Variants in VPS45 observed in about 807,000 individuals in gnomAD.
VPS45 encodes vacuolar protein sorting-associated protein 45.
A neutral mutation model predicts 75.9 loss-of-function variants in VPS45; 35 were observed. The ratio of observed to expected loss-of-function variants is 0.46; its 90% confidence interval spans 0.35 to 0.61. The LOEUF is 0.61. Among genes scored for constraint, VPS45 ranks in the 20% least tolerant of loss-of-function variants. The pLI, the probability that VPS45 is intolerant of heterozygous loss-of-function variation, is 0.00. For missense variants in VPS45, 559 were observed against 685.9 expected, an observed-to-expected ratio of 0.81 and a Z score of 2.07; for synonymous variants, 220 against 238.2, an observed-to-expected ratio of 0.92 and a Z score of 0.70.
chr1:150,106,117 T>G (rs1657311417), intron 13 of VPS45, among the ~76,000 whole-genome samples: 1 of 152,156 alleles, frequency 6.6e-6, no homozygotes, highest in Middle Eastern at 3.2e-3. Context: ...CAAGATGGAT[T>G]AAAGGCCTAG....
At chr1:150,098,030 A>G (rs587617309) in intron 13 of VPS45, among the ~76,000 whole-genome samples, 1 of 152,122 alleles carries the variant, frequency 6.6e-6, no homozygotes, top group African/African-American at 2.4e-5. Context: ...TTGCATTTTT[A>G]TAGAGACAAG....
chr1:150,102,478 G>C (rs1657093266), intron 13 of VPS45, among the ~76,000 whole-genome samples: 1 of 151,558 alleles, frequency 6.6e-6, no homozygotes, highest in South Asian at 2.1e-4. Context: ...GAACCTGGGA[G>C]GCAGAGGTTG....
At position 150,110,740 on chromosome 1, in the gene VPS45, A is replaced by C. The variant is rs114735255; in HGVS notation, c.1625+113A>C. On this transcript the variant is annotated intron_variant, in intron 14 of 14. Transcript: ENST00000644510. ...TACTCACCAAACTGCTGTAGACTGA[A>C]ATTCTCTGGTGTTTGCAGCTCCAGA... The C allele has an allele frequency of 1.8e-3, 1,963 of 1,070,792 alleles. 23 individuals are homozygous for C. The African/African-American group carries it at 0.027, about 15-fold the overall frequency. The allele number at this position is 1,070,792 out of a possible 1,614,324, so 66.3% of individuals were successfully genotyped here. A position where few individuals can be genotyped will look rare whatever the true frequency, so the allele number is the denominator to read the frequency against.
intron 13 of VPS45, among the ~76,000 whole-genome samples, chr1:150,095,738 G>A (rs1242973750): frequency 6.6e-6 from 1 of 152,142 alleles, no homozygotes; most frequent in African/African-American, 2.4e-5. Flanking sequence ...AGGGAGCCCT[G>A]CTTGGCTGGA....
chr1:150,097,633 C>T (rs587746576), intron 13 of VPS45, among the ~76,000 whole-genome samples: 4 of 151,618 alleles, frequency 2.6e-5, no homozygotes, highest in African/African-American at 9.7e-5. Flanking sequence ...TCAGGAGAAT[C>T]GCTTGAACCA....
intron 3 of VPS45, among the ~76,000 whole-genome samples, chr1:150,073,223 C>G (rs1655177418): frequency 6.6e-6 from 1 of 151,878 alleles, no homozygotes; most frequent in South Asian, 2.1e-4. Flanking sequence ...GTAACATTTC[C>G]AAAACCAAGG....
chr1:150,138,464 T>G (rs1243937560), intron 14 of VPS45, among the ~76,000 whole-genome samples: 1 of 152,172 alleles, frequency 6.6e-6, no homozygotes, highest in Non-Finnish European at 1.5e-5. Flanking sequence ...TTAAGTTGTA[T>G]GTCTCGACTA....
At chr1:150,128,678 G>A (rs1165507302) in intron 14 of VPS45, among the ~76,000 whole-genome samples, 1 of 152,052 alleles carries the variant, frequency 6.6e-6, no homozygotes, top group Non-Finnish European at 1.5e-5. Flanking sequence ...AACCCAGAGG[G>A]GACTTCTCTT....
intron 3 of VPS45, among the ~76,000 whole-genome samples, chr1:150,075,535 T>G (rs1335530604): frequency 6.6e-6 from 1 of 152,178 alleles, no homozygotes; most frequent in African/African-American, 2.4e-5. Context: ...AATGCCTGGG[T>G]CCATTCAATT....
At chr1:150,102,980 G>C (rs1300252240) in intron 13 of VPS45, among the ~76,000 whole-genome samples, 1 of 151,992 alleles carries the variant, frequency 6.6e-6, no homozygotes, top group Non-Finnish European at 1.5e-5. Flanking sequence ...ACATGCTTAT[G>C]TAACAAACCT....
chr1:150,134,648 A>G (rs1193680245), intron 14 of VPS45, among the ~76,000 whole-genome samples: 3 of 152,116 alleles, frequency 2.0e-5, no homozygotes, highest in Non-Finnish European at 4.4e-5. Context: ...CTTGTTTTTG[A>G]GCTTTATAAA....
At chr1:150,085,094 G>A (rs1219350848) in intron 10 of VPS45, among the ~76,000 whole-genome samples, 4 of 151,886 alleles carry the variant, frequency 2.6e-5, no homozygotes, top group Admixed American at 1.3e-4. Flanking sequence ...ATTTAACTTG[G>A]CCTTTAAACA....
intron 14 of VPS45, among the ~76,000 whole-genome samples, chr1:150,119,977 A>G (rs1167488888): frequency 6.6e-6 from 1 of 152,206 alleles, no homozygotes; most frequent in Non-Finnish European, 1.5e-5. Context: ...GCGTGGTGGC[A>G]CATGCCTATA....
chr1:150,110,755 G>A, intron 14 of VPS45, 128 bp downstream of exon 14: 1 of 892,634 alleles, frequency 1.1e-6, no homozygotes, highest in Non-Finnish European at 1.6e-6. Context: ...TCTGGTGTTT[G>A]CAGCTCCAGA....
chr1:150,068,300 C>T (rs1654840511), intron 1 of VPS45: 1 of 359,376 alleles, frequency 2.8e-6, no homozygotes, highest in South Asian at 8.6e-5. Flanking sequence ...TGTTGGAGCT[C>T]AAGCTGAAAT....
chr1:150,068,470 C>T, intron 1 of VPS45, 160 bp from the exon 2 acceptor site: 1 of 575,428 alleles, frequency 1.7e-6, no homozygotes, highest in East Asian at 3.4e-5. Context: ...ATTTTTCATT[C>T]TCGTATGTTA....
chr1:150,097,479 G>A (rs1656730564), intron 13 of VPS45, among the ~76,000 whole-genome samples: 1 of 151,852 alleles, frequency 6.6e-6, no homozygotes, highest in Middle Eastern at 3.4e-3. Flanking sequence ...CAGCACTTTG[G>A]GAGGCCGAGC....
intron 10 of VPS45, among the ~76,000 whole-genome samples, chr1:150,085,889 G>C (rs997070072): frequency 9.2e-5 from 14 of 152,028 alleles, no homozygotes; most frequent in Non-Finnish European, 2.1e-4. Context: ...CCTCAGAAGA[G>C]ATTTATTAAT....
At chr1:150,069,428 A>C (rs587623405) in intron 2 of VPS45, among the ~76,000 whole-genome samples, 2 of 146,682 alleles carry the variant, frequency 1.4e-5, no homozygotes, top group East Asian at 4.0e-4. Flanking sequence ...TCCTTTAAAA[A>C]GCCTTTGCTA....
Sources: allele counts gnomAD v4.1 joint callset (sites outside exome capture counted in the v4.1 genomes callset), GRCh38; gene constraint gnomAD v4.1.1; transcripts MANE v1.5; gene names NCBI Gene and HGNC (gene_info 2026-07-23, HGNC 2026-07-21).